Variants in CADM2 observed in about 807,000 individuals in gnomAD.
CADM2 encodes cell adhesion molecule 2, also known as immunoglobulin superfamily member 4D.
A neutral mutation model predicts 49.8 loss-of-function variants in CADM2; 12 were observed. That is an observed-to-expected ratio of 0.24 (90% CI 0.15 to 0.39). CADM2 has a LOEUF of 0.39. CADM2 is among the 10% of genes least tolerant of loss of function. CADM2 has a pLI of 1.00. For missense variants in CADM2, 378 were observed against 492.3 expected, an observed-to-expected ratio of 0.77 and a Z score of 2.20; for synonymous variants, 214 against 175.4, an observed-to-expected ratio of 1.22 and a Z score of -1.74.
chr3:86,044,102 A>T (rs1736322637), intron 8 of CADM2, among the ~76,000 whole-genome samples: 1 of 152,240 alleles, frequency 6.6e-6, no homozygotes, highest in Non-Finnish European at 1.5e-5. Flanking sequence ...TAAAACCATA[A>T]AAATCCTAGA....
Position 85,523,169 on chromosome 3 carries a change from C to A in CADM2, c.62-203353C>A, listed in dbSNP as rs138818636. Among the ~76,000 whole-genome samples the A allele has an allele frequency of 4.5e-3, 686 of 152,178 alleles. 7 individuals carry two copies. Among genetic ancestry groups the A allele is most frequent in the African/African-American group, 0.016 (655 of 41,516 alleles). On this transcript the variant is annotated intron_variant, in intron 1 of 9. Coordinates refer to ENST00000383699, the MANE Select transcript of CADM2 (RefSeq NM_001167675.2). ...GATCCCCACACATCCTGATTTATTT[C>A]TTGCACTTGAAGCAGAGCATCTTGG...
At chr3:85,883,231 C>T (rs1713071317) in intron 3 of CADM2, 60 bp from the exon 4 acceptor site, 6 of 1,389,736 alleles carry the variant, frequency 4.3e-6, no homozygotes, top group South Asian at 2.9e-5. Flanking sequence ...AATATATAGT[C>T]TAAAAATACT....
At chr3:85,676,886 T>C (rs751926011) in intron 1 of CADM2, among the ~76,000 whole-genome samples, 10 of 152,166 alleles carry the variant, frequency 6.6e-5, no homozygotes, top group Non-Finnish European at 1.0e-4. Context: ...CAAACATAGT[T>C]TCCGTGACAC....
At chr3:85,952,072 GA>G (rs949974784) in intron 7 of CADM2, among the ~76,000 whole-genome samples, 11 of 148,782 alleles carry the variant, frequency 7.4e-5, no homozygotes, top group African/African-American at 2.2e-4. Context: ...TTTGTAATTA[GA>G]AAAAAAAATG....
intron 1 of CADM2, among the ~76,000 whole-genome samples, chr3:85,432,842 TATC>T: frequency 6.6e-6 from 1 of 152,258 alleles, no homozygotes; most frequent in South Asian, 2.1e-4. Flanking sequence ...AAACCTCTAA[TATC>T]ATCCTAGTAT....
intron 7 of CADM2, among the ~76,000 whole-genome samples, chr3:85,940,511 A>G (rs1395003966): frequency 2.6e-5 from 4 of 152,126 alleles, no homozygotes; most frequent in Non-Finnish European, 5.9e-5. Flanking sequence ...AGAGTGAAAT[A>G]TTGTTTACCA....
In CADM2 at chr3:85,383,637, C is replaced by T. The variant is rs555980688; in HGVS notation, c.62-342885C>T. On this transcript the variant is annotated intron_variant, in intron 1 of 9. Transcript: ENST00000383699. ...CCTCATTTTTCTCTCCATTGGAATTCTCATTCCTCCCAAGGTTAACCAGTC... is the reference window on the plus strand; with the variant it reads ...CCTCATTTTTCTCTCCATTGGAATTTTCATTCCTCCCAAGGTTAACCAGTC... Among the ~76,000 whole-genome samples the T allele has an allele frequency of 9.4e-5, 14 of 149,586 alleles. No individual in the cohort carries two copies. The South Asian group carries it at 1.7e-3, about 18-fold the overall frequency.
chr3:85,502,806 A>G (rs1380066785), intron 1 of CADM2, among the ~76,000 whole-genome samples: 2 of 152,182 alleles, frequency 1.3e-5, no homozygotes, highest in East Asian at 3.9e-4. Context: ...TAAGTGTAAT[A>G]CATCAGCATT....
intron 1 of CADM2, among the ~76,000 whole-genome samples, chr3:85,454,682 A>G (rs886323765): frequency 6.6e-6 from 1 of 152,180 alleles, no homozygotes; most frequent in Non-Finnish European, 1.5e-5. Flanking sequence ...AGACATGAAA[A>G]AGCTAATCCA....
At chr3:85,987,604 AAATT>A (rs1201899148) in intron 8 of CADM2, among the ~76,000 whole-genome samples, 1 of 147,144 alleles carries the variant, frequency 6.8e-6, no homozygotes, top group Non-Finnish European at 1.5e-5. Context: ...TTGTTATAAT[AAATT>A]ATAATTATTA....
intron 8 of CADM2, among the ~76,000 whole-genome samples, chr3:86,017,942 A>G (rs531560583): frequency 1.4e-5 from 2 of 143,666 alleles, no homozygotes; most frequent in African/African-American, 5.1e-5. Flanking sequence ...TTAGTTACAT[A>G]TGTATACATG....
chr3:85,875,210 T>G (rs1711652175), intron 3 of CADM2, among the ~76,000 whole-genome samples: 1 of 152,194 alleles, frequency 6.6e-6, no homozygotes. Context: ...TTTGCTTGTT[T>G]GATATTTTAT....
In CADM2 at chr3:86,038,083, A is replaced by G. The variant is rs538940462; in HGVS notation, c.971-27522A>G. On this transcript the variant is annotated intron_variant, in intron 8 of 9. Transcript: ENST00000383699. ...CTCCCACTTATGAGTGAGAACATAC[A>G]GTGTTTGACTTTCTGTTCCTGTTAG... Among the ~76,000 whole-genome samples the G allele has an allele frequency of 4.5e-4, 69 of 152,222 alleles. No homozygotes were observed. The Middle Eastern group carries it at 0.01, about 23-fold the overall frequency.
chr3:85,341,866 C>T (rs2045248321), intron 1 of CADM2, among the ~76,000 whole-genome samples: 1 of 151,962 alleles, frequency 6.6e-6, no homozygotes, highest in African/African-American at 2.4e-5. Flanking sequence ...GAGACTTGAA[C>T]CACACACTTT....
intron 1 of CADM2, among the ~76,000 whole-genome samples, chr3:85,236,323 C>A (rs1424646748): frequency 6.6e-6 from 1 of 151,744 alleles, no homozygotes; most frequent in African/African-American, 2.4e-5. Context: ...GTAATAGCAT[C>A]TCTTGGATTG....
intron 8 of CADM2, among the ~76,000 whole-genome samples, chr3:85,972,775 T>C (rs545616438): frequency 8.6e-5 from 13 of 151,892 alleles, no homozygotes; most frequent in South Asian, 6.2e-4. Context: ...GTTTATTGTA[T>C]ACAGCGCTTG....
At chr3:85,875,105 A>ATCC in intron 3 of CADM2, among the ~76,000 whole-genome samples, 1 of 152,262 alleles carries the variant, frequency 6.6e-6, no homozygotes, top group East Asian at 1.9e-4. Context: ...ACCAAATAGG[A>ATCC]GCTCTGGAGC....
chr3:85,313,594 G>C (rs1014963638), intron 1 of CADM2, among the ~76,000 whole-genome samples: 1 of 152,064 alleles, frequency 6.6e-6, no homozygotes, highest in East Asian at 1.9e-4. Flanking sequence ...ATGGCATCTC[G>C]TCAAGGAATA....
Position 85,366,665 on chromosome 3 carries a change from G to A in CADM2, c.62-359857G>A, listed in dbSNP as rs188718089. On this transcript the variant is annotated intron_variant, in intron 1 of 9. Transcript: ENST00000383699. The stretch of plus-strand genomic sequence containing the variant: ...AAATTAATAAACTAACTTTCTAGTA[G>A]CATTTGTTTTAAATGACTTGAAATA... Among the ~76,000 whole-genome samples, 345 of 152,116 alleles carry A rather than the reference G, an allele frequency of 2.3e-3. 1 individual carries two copies. The highest frequency in any genetic ancestry group is 1.9e-3 in the Non-Finnish European group (128 of 67,988).
Sources: allele counts gnomAD v4.1 joint callset (sites outside exome capture counted in the v4.1 genomes callset), GRCh38; gene constraint gnomAD v4.1.1; transcripts MANE v1.5; gene names NCBI Gene and HGNC (gene_info 2026-07-23, HGNC 2026-07-21).